Variants in NOX1 observed in about 807,000 individuals in gnomAD.
NOX1 encodes the protein NADPH oxidase 1, also known as NADH/NADPH mitogenic oxidase subunit P65-MOX.
A neutral mutation model predicts 42.5 loss-of-function variants in NOX1; 34 were observed. That is an observed-to-expected ratio of 0.80 (90% CI 0.61 to 1.07). The LOEUF (loss-of-function observed/expected upper bound fraction) is 1.07, where lower values mean the gene tolerates loss of function less well. Among genes scored for constraint, NOX1 ranks in the 50% least tolerant of loss-of-function variants. The pLI is 0.00. For synonymous variants in NOX1, 143 were observed against 152.5 expected, an observed-to-expected ratio of 0.94 and a Z score of 0.46; for missense variants, 408 against 427.0, an observed-to-expected ratio of 0.96 and a Z score of 0.39.
At chrX:100,862,872 G>A (rs1426158004) in intron 4 of NOX1, 52 bp from the exon 5 acceptor site, 1 of 1,077,961 alleles carries the variant, frequency 9.3e-7, no homozygotes, top group African/African-American at 1.9e-5. Flanking sequence ...CAACATCATG[G>A]CAGGTGTGCC....
In NOX1 at chrX:100,850,319, C is replaced by G. The variant is rs372154041; in HGVS notation, c.965G>C (p.Gly322Ala). The G allele has an allele frequency of 4.1e-5, 49 of 1,207,543 alleles. No individual in the cohort carries two copies. The highest frequency in any genetic ancestry group is 5.3e-5 in the Non-Finnish European group (47 of 893,771). The change falls in exon 9 of 13, where the codon GGG (glycine) becomes GCG (alanine). Residue 322 changes from glycine to alanine, a missense_variant. Gly to Ala is a moderately conservative substitution (Grantham distance 60, BLOSUM62 0). Transcript: ENST00000372966. Reference protein sequence around the residue: ...MNKRGFSMEVGQYIFVNCPSI... With the variant: ...MNKRGFSMEVAQYIFVNCPSI... The stretch of plus-strand genomic sequence containing the variant: ...GGGGCAATTAACAAAGATATACTGC[C>G]CCACTTCCATGCTGAAGCCACGCTT...
At chrX:100,856,559 G>T (rs1370487392) in intron 7 of NOX1, among the ~76,000 whole-genome samples, 1 of 111,188 alleles carries the variant, frequency 9.0e-6, no homozygotes, top group Non-Finnish European at 1.9e-5. Flanking sequence ...ACATATCCCA[G>T]GTATGTCCTT....
rs977809847 is a variant in NOX1 at position 100,843,474 on chromosome X, ATTTATG to A, written c.*472_*477del. On this transcript the variant is annotated 3_prime_UTR_variant, in exon 13 of 13. Coordinates refer to ENST00000372966, the MANE Select transcript of NOX1 (RefSeq NM_007052.5). Reference sequence around the variant, plus strand: ...GGGGTTCTCGGTAATTTTGTTTATTATTTATGTTTATTATTATGTTTTATCATTAAT... The same window carrying A: ...GGGGTTCTCGGTAATTTTGTTTATTATTTATTATTATGTTTTATCATTAAT... 9.3e-7 allele frequency: 1 copy of A among 1,078,148 alleles called. No individual in the cohort carries two copies. The highest frequency in any genetic ancestry group is 2.0e-5 in the African/African-American group (1 of 51,134). 88.9% of individuals were successfully genotyped at this position (1,078,148 alleles called of 1,213,427 possible). A position where few individuals can be genotyped will look rare whatever the true frequency, so the allele number is the denominator to read the frequency against.
At chrX:100,862,609 C>T in intron 5 of NOX1, 36 bp from the exon 6 acceptor site, 2 of 1,192,585 alleles carry the variant, frequency 1.7e-6, no homozygotes, top group East Asian at 3.0e-5. Flanking sequence ...ACACAATGTC[C>T]ACCTGTGCAC....
chrX:100,844,516 T>C (rs1355320770), intron 12 of NOX1, among the ~76,000 whole-genome samples: 1 of 111,882 alleles, frequency 8.9e-6, no homozygotes, highest in Admixed American at 9.5e-5. Context: ...CACTGCAACC[T>C]CCACCTCCCA....
intron 12 of NOX1, among the ~76,000 whole-genome samples, chrX:100,844,737 A>G (rs1307769128): frequency 8.9e-6 from 1 of 112,372 alleles, no homozygotes; most frequent in Non-Finnish European, 1.9e-5. Context: ...CCGACAAGGG[A>G]AAATTTCTTA....
intron 12 of NOX1, among the ~76,000 whole-genome samples, chrX:100,846,544 C>T (rs1453533454): frequency 9.0e-6 from 1 of 111,170 alleles, no homozygotes; most frequent in African/African-American, 3.3e-5. Flanking sequence ...TCTGTGTACT[C>T]CTATTTCTTC....
intron 1 of NOX1, among the ~76,000 whole-genome samples, chrX:100,873,151 G>C (rs1289397801): frequency 9.0e-6 from 1 of 110,560 alleles, no homozygotes; most frequent in Non-Finnish European, 1.9e-5. Context: ...AATGAATGAA[G>C]ATCTAGGAAA....
chrX:100,851,049 G>A (rs763909803), intron 8 of NOX1, among the ~76,000 whole-genome samples, 184 bp downstream of exon 8: 54 of 109,883 alleles, frequency 4.9e-4, no homozygotes, highest in African/African-American at 1.5e-3. Context: ...CATGTTGGCC[G>A]GGCTGGTCTC....
intron 7 of NOX1, among the ~76,000 whole-genome samples, chrX:100,861,631 A>G (rs1431117940): frequency 9.0e-6 from 1 of 111,579 alleles, no homozygotes; most frequent in Non-Finnish European, 1.9e-5. Context: ...AGAATGCTTT[A>G]TTTCCCCCCA....
chrX:100,844,361 G>T (rs982074802), intron 12 of NOX1, among the ~76,000 whole-genome samples: 3 of 112,171 alleles, frequency 2.7e-5, no homozygotes, highest in Non-Finnish European at 5.6e-5. Flanking sequence ...AGTCTGTCTG[G>T]GTTGTCTGGG....
At chrX:100,873,235 T>C in intron 1 of NOX1, among the ~76,000 whole-genome samples, 1 of 110,995 alleles carries the variant, frequency 9.0e-6, no homozygotes, top group Non-Finnish European at 1.9e-5. Context: ...AGAGAGGTGT[T>C]AGAGTGTTAG....
intron 1 of NOX1, among the ~76,000 whole-genome samples, chrX:100,873,756 G>C (rs1001997390): frequency 8.9e-5 from 10 of 111,878 alleles, no homozygotes; most frequent in East Asian, 2.8e-4. Context: ...CAAACATTCA[G>C]TGACTTTTTG....
intron 7 of NOX1, among the ~76,000 whole-genome samples, chrX:100,853,770 G>A (rs1215717330): frequency 9.0e-6 from 1 of 110,992 alleles, no homozygotes; most frequent in Admixed American, 9.5e-5. Context: ...TGCTGGCCTC[G>A]AATGATCCAC....
rs771683636 is a variant in NOX1, at chrX:100,870,758, C to G, written c.102G>C (p.Glu34Asp). Residue 34 changes from glutamate (E) to aspartate (D), a missense_variant, in exon 2 of 13, where the codon GAG (glutamate) becomes GAC (aspartate). Coordinates refer to ENST00000372966, the MANE Select transcript of NOX1 (RefSeq NM_007052.5). ...FLFVDAFLKY[E>D]KADKYYYTRK... The stretch of plus-strand genomic sequence containing the variant: ...TTGTGTAGTAGTATTTGTCGGCCTT[C>G]TCATATTTCAGGAAGGCATCCACAA... 1.7e-6 allele frequency: 2 copies of G among 1,200,203 alleles called. No individual in the cohort carries two copies. The highest frequency in any genetic ancestry group is 4.4e-5 in the Admixed American group (2 of 45,706).
rs764694759 is a variant in NOX1, at chrX:100,862,785, A to T, written c.373T>A (p.Cys125Ser). The T allele has an allele frequency of 7.5e-6, 9 of 1,199,439 alleles. No individual in the cohort carries two copies. Among genetic ancestry groups the T allele is most frequent in the African/African-American group, 1.8e-5 (1 of 56,679 alleles). Residue 125 changes from cysteine to serine, a missense_variant, in exon 5 of 13, where the codon TGC becomes AGC. Coordinates refer to ENST00000372966, the MANE Select transcript of NOX1 (RefSeq NM_007052.5). ...HIIAHLFNFD[C>S]YSRSRQATDG... Reference sequence around the variant, plus strand: ...GTGGCCTGTCGGCTTCTGCTATAGCAGTCAAAGTTAAACAGGTGTGCAATG... The same window carrying T: ...GTGGCCTGTCGGCTTCTGCTATAGCTGTCAAAGTTAAACAGGTGTGCAATG...
At chrX:100,845,570 A>G (rs950502909) in intron 12 of NOX1, among the ~76,000 whole-genome samples, 9 of 101,378 alleles carry the variant, frequency 8.9e-5, no homozygotes, top group Admixed American at 8.6e-4. Context: ...TCTTGGGTGT[A>G]TAACAAGGAG....
chrX:100,869,823 T>C (rs1313292884), intron 2 of NOX1, among the ~76,000 whole-genome samples: 1 of 98,245 alleles, frequency 1.0e-5, no homozygotes, highest in Non-Finnish European at 2.1e-5. Flanking sequence ...CTTATTATTT[T>C]GAAATATGTC....
chrX:100,855,594 C>G, intron 7 of NOX1: 1 of 982,117 alleles, frequency 1.0e-6, no homozygotes, highest in South Asian at 1.9e-5. Flanking sequence ...ACAACCCTGT[C>G]CACCACTTCC....
Sources: gnomAD v4.1 joint callset for allele counts (sites outside exome capture counted in the v4.1 genomes callset) on GRCh38, gnomAD v4.1.1 for gene constraint, MANE v1.5 for transcripts, NCBI Gene and HGNC (gene_info 2026-07-23, HGNC 2026-07-21) for gene names.